Variants in ARHGAP27 observed in about 807,000 individuals in gnomAD.
ARHGAP27 encodes Rho GTPase activating protein 27.
In ARHGAP27, 53 loss-of-function variants were observed where a neutral mutation model predicts 102.0. That is an observed-to-expected ratio of 0.52 (90% CI 0.42 to 0.65). ARHGAP27 has a LOEUF of 0.65. Among genes scored for constraint, ARHGAP27 ranks in the 30% least tolerant of loss-of-function variants. The pLI, the probability that ARHGAP27 is intolerant of heterozygous loss-of-function variation, is 0.00. For synonymous variants in ARHGAP27, 525 were observed against 542.8 expected (o/e 0.97, Z 0.46); for missense variants, 1,117 against 1,256.2 (o/e 0.89, Z 1.68).
At chr17:45,429,002 C>A (rs2049843123) in intron 4 of ARHGAP27, among the ~76,000 whole-genome samples, 2 of 152,204 alleles carry the variant, frequency 1.3e-5, no homozygotes, top group Admixed American at 1.3e-4. Context: ...GAAACAAACC[C>A]ATCAAGAGTT....
intron 17 of ARHGAP27, 39 bp from the exon 18 acceptor site, chr17:45,396,156 G>A (rs754847357): frequency 6.9e-6 from 11 of 1,598,224 alleles, no homozygotes; most frequent in South Asian, 5.6e-5. Context: ...AGGGAAATCA[G>A]TACCCCTTGC....
Position 45,405,891 on chromosome 17 carries a change from C to T in ARHGAP27, c.850G>A (p.Gly284Ser). The change falls in exon 5 of 20, where the codon GGT becomes AGT. Residue 284 changes from glycine (G) to serine (S), a missense_variant. Physicochemically the swap from Gly to Ser is moderately conservative, Grantham distance 56 (BLOSUM62 0). Around this residue, in one of 3 missense-constraint regions of ARHGAP27, gnomAD observed 610 missense variants for 716.4 expected, o/e 0.85. Transcript: ENST00000685559. Reference protein sequence around the residue: ...TWESPFEAAEGAASPATSPAS... With the variant: ...TWESPFEAAESAASPATSPAS... The stretch of plus-strand genomic sequence containing the variant: ...GGGGAGGTGGCTGGGCTGGCGGCAC[C>T]CTCGGCAGCCTCAAAGGGCGACTCC... 3 of 1,535,816 alleles carry T rather than the reference C, an allele frequency of 2.0e-6. No homozygotes were observed. The highest frequency in any genetic ancestry group is 2.6e-6 in the Non-Finnish European group (3 of 1,146,804).
At position 45,400,239 on chromosome 17, in the gene ARHGAP27, G is replaced by A. The variant is rs1284953624; in HGVS notation, c.1744-2192C>T. On this transcript the variant is annotated intron_variant, in intron 12 of 19. Coordinates refer to ENST00000685559, the MANE Select transcript of ARHGAP27 (RefSeq NM_001282290.2). ...TGCTAGCAGCTTTTGGCGGACTGTTGCTGAAGTTTTCTGTAACTCGGGGTG... is the reference window on the plus strand; with the variant it reads ...TGCTAGCAGCTTTTGGCGGACTGTTACTGAAGTTTTCTGTAACTCGGGGTG... 2.0e-5 allele frequency among the ~76,000 whole-genome samples: 3 copies of A among 152,308 alleles called. No individual in the cohort carries two copies. The East Asian group carries it at 5.8e-4, about 29-fold the overall frequency.
intron 12 of ARHGAP27, among the ~76,000 whole-genome samples, chr17:45,398,682 C>A (rs536158689): frequency 6.6e-6 from 1 of 151,308 alleles, no homozygotes; most frequent in Non-Finnish European, 1.5e-5. Context: ...TACCGTGAGC[C>A]GAGATCATGC....
In ARHGAP27 at chr17:45,430,233, G is replaced by A; in HGVS notation, c.47C>T (p.Pro16Leu). 1 of 1,575,384 alleles carries A rather than the reference G, an allele frequency of 6.3e-7. No homozygotes were observed. The highest frequency in any genetic ancestry group is 1.1e-5 in the South Asian group (1 of 87,626). The change falls in exon 4 of 20, where the codon CCC becomes CTC. Residue 16 changes from proline (P) to leucine (L), a missense_variant. This residue lies in a region of ARHGAP27 where 610 missense variants were observed against 716.4 expected (regional missense o/e 0.85). Coordinates refer to ENST00000685559, the MANE Select transcript of ARHGAP27 (RefSeq NM_001282290.2). The surrounding 1 kb of genome is among the most constrained non-coding windows in gnomAD (Gnocchi z 4.4). ...VGDVYVLVEH[P>L]FEYTGKDGRR... ...CCCGTCCTTGCCGGTGTACTCGAAG[G>A]GGTGCTCCACCAGCACGTACACGTC...
At chr17:45,416,085 G>A (rs1020669171) in intron 4 of ARHGAP27, among the ~76,000 whole-genome samples, 4 of 150,354 alleles carry the variant, frequency 2.7e-5, no homozygotes, top group African/African-American at 9.8e-5. Flanking sequence ...TGGCTCTGTC[G>A]CCCAGGCTGG....
At chr17:45,410,328 G>C in intron 4 of ARHGAP27, 1 of 1,473,866 alleles carries the variant, frequency 6.8e-7, no homozygotes. Flanking sequence ...CCCTGGGAAG[G>C]TTTTGGGGGT....
At chr17:45,425,920 C>T (rs1011836466) in intron 4 of ARHGAP27, among the ~76,000 whole-genome samples, 2 of 152,202 alleles carry the variant, frequency 1.3e-5, no homozygotes, top group Non-Finnish European at 2.9e-5. Context: ...CCTCCCCCGT[C>T]TCCCTCTATC....
chr17:45,414,234 A>G (rs2048215844), intron 4 of ARHGAP27, among the ~76,000 whole-genome samples: 2 of 151,972 alleles, frequency 1.3e-5, no homozygotes, highest in African/African-American at 4.8e-5. Flanking sequence ...CCTCAAACGT[A>G]TCTGTGTTTG....
Position 45,429,931 on chromosome 17 carries a change from C to T in ARHGAP27, c.349G>A (p.Ala117Thr), listed in dbSNP as rs12949256. 191,810 of 1,135,430 alleles carry T rather than the reference C, an allele frequency of 0.17. 17,676 individuals are homozygous for T. Among genetic ancestry groups the T allele is most frequent in the Middle Eastern group, 0.2 (519 of 2,650 alleles). 70.3% of individuals were successfully genotyped at this position (1,135,430 alleles called of 1,614,324 possible). A position where few individuals can be genotyped will look rare whatever the true frequency, so the allele number is the denominator to read the frequency against. The change falls in exon 4 of 20, where the codon GCC (alanine) becomes ACC (threonine). Residue 117 changes from alanine to threonine, a missense_variant. Coordinates refer to ENST00000685559, the MANE Select transcript of ARHGAP27 (RefSeq NM_001282290.2). ...TGCGCAGGGCCGCACAGGGAGCTGG[C>T]TCGGCCTCCGGACTCCTCGGGGGCG... ...DGAPEESGGRASSLCGPAQRG... is the reference protein window; with the variant it reads ...DGAPEESGGRTSSLCGPAQRG...
At chr17:45,403,773 C>G in intron 10 of ARHGAP27, 64 bp from the exon 11 acceptor site, 2 of 1,392,394 alleles carry the variant, frequency 1.4e-6, no homozygotes, top group Non-Finnish European at 2.0e-6. Context: ...GAGGGCCCCT[C>G]CTACCCCAGG....
rs1382031458 is a variant in ARHGAP27, at chr17:45,431,710, G to C, written c.-108C>G. 1 of 168,806 alleles carries C rather than the reference G, an allele frequency of 5.9e-6. No individual in the cohort carries two copies. Among genetic ancestry groups the C allele is most frequent in the African/African-American group, 2.4e-5 (1 of 41,576 alleles). The allele number at this position is 168,806 out of a possible 1,614,324, so 10.5% of individuals were successfully genotyped here. A position where few individuals can be genotyped will look rare whatever the true frequency, so the allele number is the denominator to read the frequency against. On this transcript the variant is annotated 5_prime_UTR_variant, in exon 3 of 20. Transcript: ENST00000685559. ...TAGGCCCCTACCATCGCCCTGGGCG[G>C]GGTTTCCAGGGGCGAGGCCGGAGAG...
intron 4 of ARHGAP27, among the ~76,000 whole-genome samples, chr17:45,413,610 G>C (rs1407082587): frequency 6.6e-6 from 1 of 152,184 alleles, no homozygotes; most frequent in Non-Finnish European, 1.5e-5. Context: ...CTGCTTTTCT[G>C]ACTTCGGGTT....
chr17:45,406,925 A>C (rs965444078), intron 4 of ARHGAP27, among the ~76,000 whole-genome samples: 8 of 152,180 alleles, frequency 5.3e-5, no homozygotes, highest in Non-Finnish European at 4.4e-5. Flanking sequence ...GGACAGCCAG[A>C]TGGGCTGGAG....
intron 4 of ARHGAP27, among the ~76,000 whole-genome samples, chr17:45,415,032 T>C (rs1206476260): frequency 7.2e-6 from 1 of 139,410 alleles, no homozygotes; most frequent in Non-Finnish European, 1.5e-5. Flanking sequence ...CATTGCTCTC[T>C]AGCCTGGGTG....
Position 45,411,768 on chromosome 17 carries a change from C to T in ARHGAP27, c.658-5685G>A, listed in dbSNP as rs184481579. Among the ~76,000 whole-genome samples the T allele has an allele frequency of 3.2e-3, 483 of 152,020 alleles. 5 individuals carry two copies. Among genetic ancestry groups the T allele is most frequent in the Non-Finnish European group, 5.1e-3 (347 of 67,956 alleles). The stretch of plus-strand genomic sequence containing the variant: ...TCACACACCTGACCCATCTCTCTGT[C>T]CCCACCCTGAGGCCAGGGATGAGGA... On this transcript the variant is annotated intron_variant, in intron 4 of 19. Transcript: ENST00000685559.
In ARHGAP27 at chr17:45,402,749, G is replaced by T. The variant is rs1158463516; in HGVS notation, c.1708C>A (p.Pro570Thr). Residue 570 changes from proline (P) to threonine (T), a missense_variant, in exon 12 of 20, where the codon CCC becomes ACC. Physicochemically the swap from Pro to Thr is conservative, Grantham distance 38. Coordinates refer to ENST00000685559, the MANE Select transcript of ARHGAP27 (RefSeq NM_001282290.2). ...TTCTTCCTACTGGATTTGTCTTTGG[G>T]GGCCCAGGAGAGAGTGGCCCCCCTC... ...ELRGATLSWAPKDKSSRKNVL... is the reference protein window; with the variant it reads ...ELRGATLSWATKDKSSRKNVL... 1.2e-6 allele frequency: 2 copies of T among 1,613,190 alleles called. No individual in the cohort carries two copies. The highest frequency in any genetic ancestry group is 1.7e-6 in the Non-Finnish European group (2 of 1,179,566).
At chr17:45,418,401 T>A (rs1463488802) in intron 4 of ARHGAP27, among the ~76,000 whole-genome samples, 1 of 151,250 alleles carries the variant, frequency 6.6e-6, no homozygotes, top group African/African-American at 2.4e-5. Context: ...GCCCAGGAGG[T>A]TGAGGCTGCA....
chr17:45,418,855 C>G (rs1287371740), intron 4 of ARHGAP27, among the ~76,000 whole-genome samples: 1 of 152,130 alleles, frequency 6.6e-6, no homozygotes, highest in African/African-American at 2.4e-5. Context: ...ACAGGTGGGC[C>G]AGGTAGTCTC....
Sources: allele counts gnomAD v4.1 joint callset (sites outside exome capture counted in the v4.1 genomes callset), GRCh38; gene constraint gnomAD v4.1.1; regional missense constraint gnomAD v4.1.1; non-coding constraint Gnocchi (gnomAD v3.1); transcripts MANE v1.5; gene names NCBI Gene and HGNC (gene_info 2026-07-23, HGNC 2026-07-21).